Variants in ASTN1 observed in about 807,000 individuals in gnomAD.
ASTN1 encodes the protein astrotactin-1.
Under a neutral mutation model 140.7 loss-of-function variants are expected in ASTN1, and 41 were observed. That is an observed-to-expected ratio of 0.29 (90% CI 0.23 to 0.38). The LOEUF (loss-of-function observed/expected upper bound fraction) is 0.38. Among genes scored for constraint, ASTN1 ranks in the 10% least tolerant of loss-of-function variants. The pLI is 1.00. For missense variants in ASTN1, 1,479 were observed against 1,678.8 expected, an observed-to-expected ratio of 0.88 and a Z score of 2.08; for synonymous variants, 640 against 652.2, an observed-to-expected ratio of 0.98 and a Z score of 0.29.
chr1:177,012,655 C>G (rs1675347863), intron 8 of ASTN1, among the ~76,000 whole-genome samples: 1 of 152,192 alleles, frequency 6.6e-6, no homozygotes, highest in Admixed American at 6.5e-5. Flanking sequence ...AGACTCTTGT[C>G]TACATCCTAA....
At chr1:176,949,480 C>A in intron 11 of ASTN1, 129 bp from the exon 12 acceptor site, 1 of 1,053,204 alleles carries the variant, frequency 9.5e-7, no homozygotes, top group Non-Finnish European at 1.3e-6. Flanking sequence ...GCAAGTAATC[C>A]ATGAATTTCC....
At chr1:177,157,401 G>A (rs982609506) in intron 1 of ASTN1, among the ~76,000 whole-genome samples, 49 of 152,022 alleles carry the variant, frequency 3.2e-4, no homozygotes, top group African/African-American at 1.1e-3. Context: ...CTGCAACTCC[G>A]CCTCCTGGGC....
intron 16 of ASTN1, among the ~76,000 whole-genome samples, chr1:176,917,175 AT>A (rs1167891358): frequency 6.6e-6 from 1 of 151,980 alleles, no homozygotes; most frequent in Non-Finnish European, 1.5e-5. Context: ...GTCATACCTC[AT>A]TGTAATTTCT....
At chr1:177,040,943 G>T (rs926784414) in intron 2 of ASTN1, among the ~76,000 whole-genome samples, 1 of 152,162 alleles carries the variant, frequency 6.6e-6, no homozygotes, top group Non-Finnish European at 1.5e-5. Flanking sequence ...CCGTTCTTGA[G>T]ATTTTTTTCT....
At chr1:176,996,881 A>C (rs1674480672) in intron 8 of ASTN1, among the ~76,000 whole-genome samples, 1 of 152,178 alleles carries the variant, frequency 6.6e-6, no homozygotes, top group South Asian at 2.1e-4. Flanking sequence ...GCCCCATGGA[A>C]AATGCAATTT....
chr1:176,928,495 C>T (rs906020079), intron 16 of ASTN1, among the ~76,000 whole-genome samples: 2 of 152,112 alleles, frequency 1.3e-5, no homozygotes, highest in African/African-American at 4.8e-5. Flanking sequence ...ATATAAAGAG[C>T]TGTGAGAGCA....
At chr1:177,129,213 G>A (rs1681820597) in intron 1 of ASTN1, among the ~76,000 whole-genome samples, 1 of 152,200 alleles carries the variant, frequency 6.6e-6, no homozygotes, top group East Asian at 1.9e-4. Flanking sequence ...GGATAAGAGT[G>A]TCAGTTCCTG....
At chr1:176,945,496 A>C (rs1006416173) in intron 13 of ASTN1, among the ~76,000 whole-genome samples, 2 of 152,216 alleles carry the variant, frequency 1.3e-5, no homozygotes, top group African/African-American at 2.4e-5. Flanking sequence ...AAGAAAATTC[A>C]GCTTTTCTGT....
intron 14 of ASTN1, among the ~76,000 whole-genome samples, chr1:176,942,114 T>C (rs1671741052): frequency 6.6e-6 from 1 of 152,214 alleles, no homozygotes; most frequent in African/African-American, 2.4e-5. Context: ...TACTTCATAG[T>C]TTTCATACTA....
At chr1:176,986,038 C>T (rs1432433258) in intron 8 of ASTN1, among the ~76,000 whole-genome samples, 2 of 152,122 alleles carry the variant, frequency 1.3e-5, no homozygotes, top group African/African-American at 4.8e-5. Context: ...AGAACTGCCT[C>T]CTGCGCCCGC....
At chr1:177,081,953 G>A (rs1679200903) in intron 1 of ASTN1, among the ~76,000 whole-genome samples, 1 of 152,144 alleles carries the variant, frequency 6.6e-6, no homozygotes, top group South Asian at 2.1e-4. Context: ...GTTGGGGTTA[G>A]GGGAAGGGAA....
chr1:176,991,169 A>G (rs531657204), intron 8 of ASTN1, among the ~76,000 whole-genome samples: 1 of 152,152 alleles, frequency 6.6e-6, no homozygotes, highest in Non-Finnish European at 1.5e-5. Context: ...GCACTGTGGG[A>G]GGCTGAGGCA....
chr1:177,045,778 C>A (rs1677187174), intron 2 of ASTN1, among the ~76,000 whole-genome samples: 1 of 152,124 alleles, frequency 6.6e-6, no homozygotes, highest in African/African-American at 2.4e-5. Flanking sequence ...GAACGTTAAT[C>A]TAACTGTTCC....
At chr1:176,921,768 A>C (rs1049030151) in intron 16 of ASTN1, among the ~76,000 whole-genome samples, 1 of 152,126 alleles carries the variant, frequency 6.6e-6, no homozygotes, top group Admixed American at 6.5e-5. Context: ...CACATACAAA[A>C]CAGCAAACAT....
chr1:176,918,612 C>G (rs1460738798), intron 16 of ASTN1, among the ~76,000 whole-genome samples: 1 of 152,144 alleles, frequency 6.6e-6, no homozygotes, highest in Non-Finnish European at 1.5e-5. Context: ...TTTCTCTATC[C>G]CCTAAACAAA....
At chr1:177,016,713 A>G (rs1298092430) in intron 7 of ASTN1, among the ~76,000 whole-genome samples, 1 of 152,242 alleles carries the variant, frequency 6.6e-6, no homozygotes, top group Non-Finnish European at 1.5e-5. Context: ...GTCTTCCCCC[A>G]TATGAGTAGG....
chr1:177,083,006 T>C (rs1342597451), intron 1 of ASTN1, among the ~76,000 whole-genome samples: 1 of 152,174 alleles, frequency 6.6e-6, no homozygotes, highest in Non-Finnish European at 1.5e-5. Context: ...AAACCCAAGA[T>C]AAAAGAGACA....
intron 1 of ASTN1, among the ~76,000 whole-genome samples, chr1:177,156,605 G>A (rs1333091859): frequency 6.6e-6 from 1 of 152,094 alleles, no homozygotes; most frequent in African/African-American, 2.4e-5. Context: ...TGGAAGAAAA[G>A]AAAAAATTCT....
At chr1:177,023,985 G>C (rs989982585) in intron 6 of ASTN1, among the ~76,000 whole-genome samples, 12 of 152,194 alleles carry the variant, frequency 7.9e-5, no homozygotes, top group African/African-American at 2.7e-4. Flanking sequence ...AACACTGCGT[G>C]AACAGTCCCC....
Sources: gnomAD v4.1 joint callset for allele counts (sites outside exome capture counted in the v4.1 genomes callset) on GRCh38, gnomAD v4.1.1 for gene constraint, MANE v1.5 for transcripts, NCBI Gene and HGNC (gene_info 2026-07-23, HGNC 2026-07-21) for gene names.